EBF1: variants seen among roughly 807,000 people sequenced by gnomAD.
EBF1 encodes EBF transcription factor 1.
EBF1 carries 10 observed loss-of-function variants against 68.4 expected under a neutral mutation model. The observed-to-expected ratio is 0.15, with a 90% CI of 0.09 to 0.25. The LOEUF is 0.25. Among genes scored for constraint, EBF1 ranks in the 10% least tolerant of loss-of-function variants. EBF1 has a pLI of 1.00. For missense variants in EBF1, 509 were observed against 794.4 expected, an observed-to-expected ratio of 0.64 and a Z score of 4.32; for synonymous variants, 298 against 299.8, an observed-to-expected ratio of 0.99 and a Z score of 0.06.
chr5:158,782,251 A>G lies in EBF1; in HGVS notation c.910-4712T>C, dbSNP rs570632421. ...TATACTGTTATGATATTGATACTAT[A>G]ATACTTAGCAGCCTATTTTGCTTTG... On this transcript the variant is annotated intron_variant, in intron 9 of 15. Transcript: ENST00000313708. Among the ~76,000 whole-genome samples, 31 of 152,312 alleles carry G rather than the reference A, an allele frequency of 2.0e-4. No individual in the cohort carries two copies. The South Asian group carries it at 6.2e-3, about 31-fold the overall frequency.
intron 6 of EBF1, among the ~76,000 whole-genome samples, chr5:158,926,468 G>A (rs554526445): frequency 6.6e-6 from 1 of 152,254 alleles, no homozygotes; most frequent in African/African-American, 2.4e-5. Context: ...GATCACGCCT[G>A]TAATCCCAGC....
At chr5:158,834,372 G>T (rs1788262888) in intron 7 of EBF1, among the ~76,000 whole-genome samples, 1 of 151,880 alleles carries the variant, frequency 6.6e-6, no homozygotes, top group Admixed American at 6.6e-5. Context: ...TCCCCAGCTT[G>T]CTCCCCTTCT....
At chr5:158,734,432 A>G (rs1006116124) in intron 10 of EBF1, among the ~76,000 whole-genome samples, 8 of 152,186 alleles carry the variant, frequency 5.3e-5, no homozygotes, top group Non-Finnish European at 1.2e-4. Flanking sequence ...CATAAGAAAA[A>G]TAAGTAGTAT....
intron 5 of EBF1, among the ~76,000 whole-genome samples, chr5:159,079,474 A>C (rs925776108): frequency 6.6e-6 from 1 of 152,188 alleles, no homozygotes; most frequent in African/African-American, 2.4e-5. Context: ...CCAGGCCCTC[A>C]GCATGTACTT....
intron 6 of EBF1, among the ~76,000 whole-genome samples, chr5:159,008,750 T>C (rs2127671839): frequency 6.6e-6 from 1 of 152,280 alleles, no homozygotes; most frequent in African/African-American, 2.4e-5. Context: ...TTGACCAGGC[T>C]GGTCTCAAAC....
At chr5:158,805,171 G>T (rs1781339529) in intron 8 of EBF1, among the ~76,000 whole-genome samples, 1 of 152,042 alleles carries the variant, frequency 6.6e-6, no homozygotes, top group African/African-American at 2.4e-5. Flanking sequence ...TTGTGAAAAG[G>T]GGAAACAATT....
chr5:158,920,151 AT>A (rs1195154644), intron 6 of EBF1, among the ~76,000 whole-genome samples: 2 of 150,866 alleles, frequency 1.3e-5, no homozygotes, highest in African/African-American at 4.8e-5. Context: ...CATTATATAC[AT>A]ATGTGTGTGT....
intron 6 of EBF1, among the ~76,000 whole-genome samples, chr5:159,002,537 G>A (rs1762745083): frequency 6.6e-6 from 1 of 152,154 alleles, no homozygotes. Flanking sequence ...TTTCAAGCCA[G>A]AGTGAATTAT....
At position 158,698,663 on chromosome 5, in the gene EBF1, CTT is replaced by C. The variant is rs1357650531; in HGVS notation, c.*446_*447del. 779 of 154,666 alleles carry C rather than the reference CTT, an allele frequency of 5.0e-3. No individual in the cohort carries two copies. Among genetic ancestry groups the C allele is most frequent in the East Asian group, 0.014 (144 of 10,052 alleles). The allele number at this position is 154,666 out of a possible 1,614,324, so 9.6% of individuals were successfully genotyped here. On this transcript the variant is annotated 3_prime_UTR_variant, in exon 16 of 16. Coordinates refer to ENST00000313708, the MANE Select transcript of EBF1 (RefSeq NM_024007.5). ...AAGCTTTTTTTTTTTTCCTTTTTTT[CTT>C]TTTTTTTTTTTTTACTTTTTTGTAA...
intron 10 of EBF1, among the ~76,000 whole-genome samples, chr5:158,752,673 C>A (rs1208040922): frequency 6.6e-6 from 1 of 152,080 alleles, no homozygotes; most frequent in East Asian, 1.9e-4. Flanking sequence ...TTCAAAGCTC[C>A]TCTTCACACA....
At chr5:158,830,706 G>C (rs1787370510) in intron 7 of EBF1, among the ~76,000 whole-genome samples, 1 of 152,194 alleles carries the variant, frequency 6.6e-6, no homozygotes, top group African/African-American at 2.4e-5. Context: ...GCAGCAGTTA[G>C]GTCTTCATTA....
chr5:158,744,578 A>G (rs1461635094), intron 10 of EBF1, among the ~76,000 whole-genome samples: 1 of 152,200 alleles, frequency 6.6e-6, no homozygotes, highest in East Asian at 1.9e-4. Flanking sequence ...CTTTAATCCT[A>G]AAGTTCTGGT....
intron 6 of EBF1, among the ~76,000 whole-genome samples, chr5:158,840,757 C>T (rs1366382151): frequency 3.5e-5 from 5 of 141,762 alleles, no homozygotes; most frequent in Non-Finnish European, 7.6e-5. Context: ...CTGCAAGCTC[C>T]GCCTCCCGGG....
At chr5:158,930,442 G>T (rs759128690) in intron 6 of EBF1, among the ~76,000 whole-genome samples, 1 of 152,188 alleles carries the variant, frequency 6.6e-6, no homozygotes, top group Admixed American at 6.5e-5. Flanking sequence ...GGCAGGTTCT[G>T]CGCCTCTGAT....
chr5:158,887,292 C>A (rs1188119363), intron 6 of EBF1, among the ~76,000 whole-genome samples: 3 of 152,100 alleles, frequency 2.0e-5, no homozygotes, highest in Non-Finnish European at 4.4e-5. Flanking sequence ...AACAGCCAAG[C>A]CGAAGATACA....
At chr5:158,969,499 C>T (rs1272090824) in intron 6 of EBF1, among the ~76,000 whole-genome samples, 1 of 150,144 alleles carries the variant, frequency 6.7e-6, no homozygotes, top group Non-Finnish European at 1.5e-5. Flanking sequence ...GGCTGTGGCT[C>T]ATGCCTATAA....
chr5:159,097,340 C>G (rs1442874697), intron 1 of EBF1: 1 of 578,948 alleles, frequency 1.7e-6, no homozygotes, highest in East Asian at 2.9e-5. Context: ...CCGCCAAGGA[C>G]GGGTGCGTCC....
chr5:158,805,477 T>C (rs1781409454), intron 8 of EBF1, among the ~76,000 whole-genome samples: 1 of 152,148 alleles, frequency 6.6e-6, no homozygotes, highest in South Asian at 2.1e-4. Flanking sequence ...TTTAGCCTCC[T>C]TATGTCTGGA....
chr5:158,991,013 G>A (rs1170247859), intron 6 of EBF1, among the ~76,000 whole-genome samples: 1 of 152,156 alleles, frequency 6.6e-6, no homozygotes, highest in Non-Finnish European at 1.5e-5. Flanking sequence ...ATGTCTCAAC[G>A]TCCAATAACT....
Sources: gnomAD v4.1 joint callset for allele counts (sites outside exome capture counted in the v4.1 genomes callset) on GRCh38, gnomAD v4.1.1 for gene constraint, MANE v1.5 for transcripts, NCBI Gene and HGNC (gene_info 2026-07-23, HGNC 2026-07-21) for gene names.